The following ARL5A variants were observed in gnomAD, a reference collection of about 807,000 sequenced individuals.
The protein encoded by ARL5A is ADP-ribosylation factor-like protein 5A.
In ARL5A, 18 loss-of-function variants were observed where a neutral mutation model predicts 25.9. The ratio of observed to expected loss-of-function variants is 0.69; its 90% confidence interval spans 0.48 to 1.03. The LOEUF is 1.03. ARL5A is among the 50% of genes least tolerant of loss of function. ARL5A has a pLI of 0.00. For synonymous variants in ARL5A, 61 were observed against 67.5 expected (o/e 0.90, Z 0.47); for missense variants, 170 against 211.9 (o/e 0.80, Z 1.23).
At chr2:151,824,947 G>A (rs2099832835) in intron 1 of ARL5A, among the ~76,000 whole-genome samples, 1 of 152,124 alleles carries the variant, frequency 6.6e-6, no homozygotes, top group Admixed American at 6.5e-5. Context: ...TACCTTGTAG[G>A]GTTGTTGTAA....
intron 1 of ARL5A, among the ~76,000 whole-genome samples, chr2:151,825,387 T>C (rs553681785): frequency 3.9e-5 from 6 of 152,334 alleles, no homozygotes; most frequent in East Asian, 3.9e-4. Flanking sequence ...ACCAGTTGCA[T>C]GGCCTGGGGA....
intron 1 of ARL5A, among the ~76,000 whole-genome samples, chr2:151,824,474 C>T (rs2099832761): frequency 7.2e-6 from 1 of 138,260 alleles, no homozygotes; most frequent in Non-Finnish European, 1.6e-5. Flanking sequence ...CACATTTAAA[C>T]TCCCTAATAA....
At chr2:151,806,035 T>C (rs2099830061) in intron 5 of ARL5A, among the ~76,000 whole-genome samples, 1 of 152,182 alleles carries the variant, frequency 6.6e-6, no homozygotes, top group Non-Finnish European at 1.5e-5. Context: ...ACTTACCTCA[T>C]GCCCACTTTC....
At chr2:151,817,892 C>A (rs2099831729) in intron 1 of ARL5A, among the ~76,000 whole-genome samples, 1 of 152,192 alleles carries the variant, frequency 6.6e-6, no homozygotes, top group African/African-American at 2.4e-5. Flanking sequence ...GCAATCCCAG[C>A]TACTTGGGAG....
rs904080137 is a variant in ARL5A, at chr2:151,812,319, C to G, written c.339+38G>C. On this transcript the variant is annotated intron_variant, in intron 4 of 5. Coordinates refer to ENST00000295087, the MANE Select transcript of ARL5A (RefSeq NM_012097.4). ...GAAAACAAAGTATCGATTCCCATAC[C>G]CTTCCCCATATCTAATGTAAAAAGA... The G allele has an allele frequency of 4.3e-6, 6 of 1,391,812 alleles. No homozygotes were observed. In the African/African-American group the frequency reaches 5.8e-5, roughly 13 times the overall value. 86.2% of individuals were successfully genotyped at this position (1,391,812 alleles called of 1,614,324 possible).
chr2:151,820,719 TA>T (rs1251158129), intron 1 of ARL5A, among the ~76,000 whole-genome samples: 2 of 142,568 alleles, frequency 1.4e-5, no homozygotes, highest in Non-Finnish European at 3.0e-5. Flanking sequence ...TGGAAAATGT[TA>T]ATAGAGAAAA....
intron 3 of ARL5A, among the ~76,000 whole-genome samples, chr2:151,813,446 CATAT>C (rs2099831118): frequency 6.6e-6 from 1 of 152,142 alleles, no homozygotes; most frequent in Non-Finnish European, 1.5e-5. Context: ...TATACAGTAG[CATAT>C]ATACCTTTAT....
rs149341234 is a variant in ARL5A, at chr2:151,814,454, T to C, written c.108-138A>G. 5.1e-3 allele frequency: 3,378 copies of C among 667,110 alleles called. 19 individuals are homozygous for C. The highest frequency in any genetic ancestry group is 0.022 in the Middle Eastern group (55 of 2,446). 41.3% of individuals were successfully genotyped at this position (667,110 alleles called of 1,614,324 possible). On this transcript the variant is annotated intron_variant, in intron 2 of 5. Coordinates refer to ENST00000295087, the MANE Select transcript of ARL5A (RefSeq NM_012097.4). ...ATCTTTTTCCCACTAGTTTACAACA[T>C]GAGTGAGGGTTTAAACAGGGCTGGA... is the stretch of plus-strand genomic sequence containing the variant.
At chr2:151,817,400 T>A (rs904318724) in intron 1 of ARL5A, among the ~76,000 whole-genome samples, 5 of 152,248 alleles carry the variant, frequency 3.3e-5, no homozygotes, top group Admixed American at 1.3e-4. Context: ...TCAATAAATG[T>A]TGAATTAATA....
chr2:151,813,150 G>A (rs2099831069), intron 3 of ARL5A, among the ~76,000 whole-genome samples: 1 of 152,200 alleles, frequency 6.6e-6, no homozygotes, highest in Non-Finnish European at 1.5e-5. Context: ...CATTTATGAT[G>A]CCCAAGTTGG....
Position 151,828,195 on chromosome 2 carries a change from C to G in ARL5A, c.-19G>C, listed in dbSNP as rs553294766. On this transcript the variant is annotated 5_prime_UTR_variant, in exon 1 of 6. Transcript: ENST00000295087. ...TTCCCATTCTCGGGCAGCGGACCCC[C>G]CCCCTCCAGACACCCGGGCCGCCTG... The G allele has an allele frequency of 1.7e-5, 27 of 1,605,438 alleles. No individual in the cohort carries two copies. The South Asian group carries it at 2.5e-4, about 15-fold the overall frequency.
chr2:151,828,351 C>A lies in ARL5A; in HGVS notation c.-175G>T. The A allele has an allele frequency of 1.9e-6, 1 of 518,670 alleles. No homozygotes were observed. The highest frequency in any genetic ancestry group is 3.3e-6 in the Non-Finnish European group (1 of 303,796). The allele number at this position is 518,670 out of a possible 1,614,324, so 32.1% of individuals were successfully genotyped here. On this transcript the variant is annotated 5_prime_UTR_variant, in exon 1 of 6. Coordinates refer to ENST00000295087, the MANE Select transcript of ARL5A (RefSeq NM_012097.4). ...GAGGCCGAAGCCCAGGCCGCCCTGC[C>A]GCGCGCAAGGCCCCGCCGCTGCCGC...
intron 4 of ARL5A, among the ~76,000 whole-genome samples, chr2:151,808,046 C>G (rs917984691): frequency 2.0e-5 from 3 of 152,154 alleles, no homozygotes; most frequent in Non-Finnish European, 4.4e-5. Context: ...ACAGATCTTT[C>G]CCCCCAAAAC....
intron 1 of ARL5A, among the ~76,000 whole-genome samples, chr2:151,817,105 A>G (rs1316260891): frequency 6.6e-6 from 1 of 152,250 alleles, no homozygotes; most frequent in Non-Finnish European, 1.5e-5. Context: ...CAAGCTGCAC[A>G]TATGTTCACA....
At position 151,800,209 on chromosome 2, in the gene ARL5A, T is replaced by G. The variant is rs1194267723; in HGVS notation, c.*3067A>C. The G allele has an allele frequency of 6.8e-6, 1 of 146,108 alleles. No individual in the cohort carries two copies. Among genetic ancestry groups the G allele is most frequent in the East Asian group, 2.0e-4 (1 of 5,090 alleles). 9.1% of individuals were successfully genotyped at this position (146,108 alleles called of 1,614,324 possible). ...CTATTTACACTAATATAAACAGGTTTGGAGGTTGTCTGTACTGTATGTGGT... is the reference window on the plus strand; with the variant it reads ...CTATTTACACTAATATAAACAGGTTGGGAGGTTGTCTGTACTGTATGTGGT... On this transcript the variant is annotated 3_prime_UTR_variant, in exon 6 of 6. Coordinates refer to ENST00000295087, the MANE Select transcript of ARL5A (RefSeq NM_012097.4).
At position 151,803,162 on chromosome 2, in the gene ARL5A, G is replaced by T; in HGVS notation, c.*114C>A. The T allele has an allele frequency of 3.1e-6, 2 of 644,500 alleles. No homozygotes were observed. Among genetic ancestry groups the T allele is most frequent in the South Asian group, 2.7e-5 (1 of 37,346 alleles). The allele number at this position is 644,500 out of a possible 1,614,324, so 39.9% of individuals were successfully genotyped here. A position where few individuals can be genotyped will look rare whatever the true frequency, so the allele number is the denominator to read the frequency against. ...AGTGGTCTTAATTTTTCTTCTTATA[G>T]AAAAAGTTTAAATCAGTTTATTATA... On this transcript the variant is annotated 3_prime_UTR_variant, in exon 6 of 6. Coordinates refer to ENST00000295087, the MANE Select transcript of ARL5A (RefSeq NM_012097.4).
intron 5 of ARL5A, among the ~76,000 whole-genome samples, chr2:151,805,473 C>A (rs991898565): frequency 6.6e-6 from 1 of 152,180 alleles, no homozygotes; most frequent in African/African-American, 2.4e-5. Flanking sequence ...CCGCTTATTT[C>A]TCTTTTCCTC....
At chr2:151,817,378 T>C (rs2099831657) in intron 1 of ARL5A, among the ~76,000 whole-genome samples, 1 of 152,230 alleles carries the variant, frequency 6.6e-6, no homozygotes, top group African/African-American at 2.4e-5. Flanking sequence ...ATTCCTGGCA[T>C]AAAGTAGGTA....
rs2099829384 is a variant in ARL5A, at chr2:151,801,268, T to A, written c.*2008A>T. 1 of 152,288 alleles carries A rather than the reference T, an allele frequency of 6.6e-6. No individual in the cohort carries two copies. The highest frequency in any genetic ancestry group is 1.5e-5 in the Non-Finnish European group (1 of 67,998). The allele number at this position is 152,288 out of a possible 1,614,324, so 9.4% of individuals were successfully genotyped here. ...CTTTAAACATCCAATTAAGAATAAA[T>A]CTGAGCCAACACCTTGATGATGACA... On this transcript the variant is annotated 3_prime_UTR_variant, in exon 6 of 6. Coordinates refer to ENST00000295087, the MANE Select transcript of ARL5A (RefSeq NM_012097.4).
Sources: gnomAD v4.1 joint callset for allele counts (sites outside exome capture counted in the v4.1 genomes callset) on GRCh38, gnomAD v4.1.1 for gene constraint, MANE v1.5 for transcripts, NCBI Gene and HGNC (gene_info 2026-07-23, HGNC 2026-07-21) for gene names.